The following ATXN7L1 variants were observed in gnomAD, a reference collection of about 807,000 sequenced individuals.
ATXN7L1 encodes the protein ataxin 7 like 1, also known as ataxin-7-like protein 1.
In ATXN7L1, 15 loss-of-function variants were observed where a neutral mutation model predicts 70.8. The ratio of observed to expected loss-of-function variants is 0.21; its 90% CI spans 0.14 to 0.33. The LOEUF is 0.33. Among genes scored for constraint, ATXN7L1 ranks in the 10% least tolerant of loss-of-function variants. The probability of loss-of-function intolerance (pLI) is 1.00; values close to 1 mark genes in which losing one functional copy is unlikely to be tolerated. For synonymous variants in ATXN7L1, 440 were observed against 445.1 expected (o/e 0.99, Z 0.14); for missense variants, 975 against 1,097.1 (o/e 0.89, Z 1.57).
At chr7:105,639,224 T>C (rs1797818787) in intron 6 of ATXN7L1, among the ~76,000 whole-genome samples, 2 of 151,678 alleles carry the variant, frequency 1.3e-5, no homozygotes, top group Non-Finnish European at 2.9e-5. Context: ...TGTGAGTGCC[T>C]ATAAATACAA....
chr7:105,672,503 G>T (rs1243594815), intron 3 of ATXN7L1, among the ~76,000 whole-genome samples: 1 of 151,986 alleles, frequency 6.6e-6, no homozygotes. Context: ...TCGTACTGTC[G>T]ACCTACTATT....
chr7:105,613,800 G>A lies in ATXN7L1; in HGVS notation c.2472+62C>T. On this transcript the variant is annotated intron_variant, in intron 10 of 11. Coordinates refer to ENST00000419735, the MANE Select transcript of ATXN7L1 (RefSeq NM_020725.2). ...TGTCGGAGCCGCCCGGCTAAGCAGG[G>A]GCGCTGCCCAGCTCCCCCTGCCCCC... 4.5e-6 allele frequency: 7 copies of A among 1,551,118 alleles called. 1 individual carries two copies. In the South Asian group the frequency reaches 6.0e-5, roughly 13 times the overall value.
intron 2 of ATXN7L1, among the ~76,000 whole-genome samples, chr7:105,833,270 C>T (rs61210960): frequency 0.05 from 7,577 of 152,210 alleles, 260 homozygotes; most frequent in African/African-American, 0.088. Flanking sequence ...CACAGCCCCT[C>T]ACTCACTATC....
intron 3 of ATXN7L1, among the ~76,000 whole-genome samples, chr7:105,730,605 G>A (rs1407157244): frequency 1.3e-5 from 2 of 152,112 alleles, no homozygotes; most frequent in African/African-American, 4.8e-5. Flanking sequence ...GGTGGCATGT[G>A]CCTGTAATCC....
chr7:105,782,138 G>C (rs1803624229), intron 3 of ATXN7L1, among the ~76,000 whole-genome samples: 1 of 152,132 alleles, frequency 6.6e-6, no homozygotes, highest in Admixed American at 6.5e-5. Flanking sequence ...CTGGCCTAGA[G>C]CTGGAATTTT....
intron 3 of ATXN7L1, among the ~76,000 whole-genome samples, chr7:105,733,346 A>C (rs1796784170): frequency 6.6e-6 from 1 of 152,266 alleles, no homozygotes; most frequent in Non-Finnish European, 1.5e-5. Context: ...AGTTACCTAC[A>C]TACAAAGTAT....
At chr7:105,766,097 A>G (rs901015402) in intron 3 of ATXN7L1, among the ~76,000 whole-genome samples, 1 of 151,364 alleles carries the variant, frequency 6.6e-6, no homozygotes, top group African/African-American at 2.4e-5. Flanking sequence ...CGAGGGGCTG[A>G]GCTCATTCGC....
intron 3 of ATXN7L1, among the ~76,000 whole-genome samples, chr7:105,727,777 T>TACACACACAC (rs1274006496): frequency 2.2e-5 from 2 of 90,246 alleles, no homozygotes; most frequent in African/African-American, 1.2e-4. Context: ...TATATATATA[T>TACACACACAC]ACACACACAT....
At chr7:105,690,027 G>A (rs905570230) in intron 3 of ATXN7L1, among the ~76,000 whole-genome samples, 2 of 152,114 alleles carry the variant, frequency 1.3e-5, no homozygotes, top group African/African-American at 4.8e-5. Flanking sequence ...TTTTTGAGAC[G>A]GAGTTTCGCT....
intron 5 of ATXN7L1, 21 bp from the exon 6 acceptor site, chr7:105,639,590 A>C (rs2115905637): frequency 6.6e-7 from 1 of 1,510,984 alleles, no homozygotes; most frequent in Non-Finnish European, 9.0e-7. Flanking sequence ...AAACAAACAA[A>C]AAATATAAGA....
At chr7:105,646,035 G>A (rs1406121857) in intron 4 of ATXN7L1, among the ~76,000 whole-genome samples, 1 of 151,456 alleles carries the variant, frequency 6.6e-6, no homozygotes, top group Non-Finnish European at 1.5e-5. Flanking sequence ...TCAGTGGCCA[G>A]TTGTGGTGGC....
chr7:105,758,884 G>A (rs528543397), intron 3 of ATXN7L1, among the ~76,000 whole-genome samples: 33 of 152,310 alleles, frequency 2.2e-4, no homozygotes, highest in African/African-American at 7.0e-4. Context: ...AAAGGCCCTT[G>A]ATTTGGGAGG....
intron 2 of ATXN7L1, among the ~76,000 whole-genome samples, chr7:105,871,726 A>G (rs56026522): frequency 1.3e-5 from 2 of 149,192 alleles, no homozygotes; most frequent in Non-Finnish European, 3.0e-5. Context: ...AAAAAAAAAA[A>G]TTGGCAAATT....
chr7:105,640,130 C>T (rs933833213), intron 5 of ATXN7L1, among the ~76,000 whole-genome samples: 1 of 152,140 alleles, frequency 6.6e-6, no homozygotes, highest in African/African-American at 2.4e-5. Context: ...AAGCTCTCGG[C>T]GCAGGCTTTG....
chr7:105,758,734 G>A (rs796211860), intron 3 of ATXN7L1, among the ~76,000 whole-genome samples: 1 of 152,268 alleles, frequency 6.6e-6, no homozygotes, highest in African/African-American at 2.4e-5. Context: ...GCCCAGGGTA[G>A]AATGTGCTGG....
At chr7:105,691,035 G>T (rs891004676) in intron 3 of ATXN7L1, among the ~76,000 whole-genome samples, 1 of 152,110 alleles carries the variant, frequency 6.6e-6, no homozygotes, top group East Asian at 1.9e-4. Context: ...CTGTCATTTA[G>T]GTGGGGACAA....
intron 3 of ATXN7L1, among the ~76,000 whole-genome samples, chr7:105,785,867 T>C (rs1459784783): frequency 1.3e-5 from 2 of 152,250 alleles, no homozygotes; most frequent in Admixed American, 6.5e-5. Context: ...GTTGGCATCC[T>C]GACCTCAGAC....
chr7:105,702,763 C>T (rs764879480), intron 3 of ATXN7L1, among the ~76,000 whole-genome samples: 6 of 151,544 alleles, frequency 4.0e-5, no homozygotes, highest in Admixed American at 3.9e-4. Flanking sequence ...GCGGATCACC[C>T]GAGGTCTGCA....
At chr7:105,617,897 C>T in intron 9 of ATXN7L1, 1 of 456,444 alleles carries the variant, frequency 2.2e-6, no homozygotes, top group South Asian at 1.5e-5. Flanking sequence ...GTCTTCCACG[C>T]CCCCATCGGC....
Sources: allele counts gnomAD v4.1 joint callset (sites outside exome capture counted in the v4.1 genomes callset), GRCh38; gene constraint gnomAD v4.1.1; transcripts MANE v1.5; gene names NCBI Gene and HGNC (gene_info 2026-07-23, HGNC 2026-07-21).